The following TGFBR1 variants were observed in gnomAD, a reference collection of about 807,000 sequenced individuals.
TGFBR1 encodes TGF-beta receptor type-1.
TGFBR1 carries 20 observed loss-of-function variants against 55.1 expected under a neutral mutation model. The observed-to-expected ratio is 0.36, with a 90% CI of 0.26 to 0.53. TGFBR1 has a LOEUF of 0.53. Among genes scored for constraint, TGFBR1 ranks in the 20% least tolerant of loss-of-function variants. The probability of loss-of-function intolerance (pLI) is 0.91; values close to 1 mark genes in which losing one functional copy is unlikely to be tolerated. For synonymous variants in TGFBR1, 220 were observed against 214.8 expected (o/e 1.02, Z -0.21); for missense variants, 385 against 617.6 (o/e 0.62, Z 3.99).
intron 5 of TGFBR1, 52 bp downstream of exon 5, chr9:99,142,755 G>GT: frequency 6.3e-7 from 1 of 1,595,094 alleles, no homozygotes; most frequent in African/African-American, 1.3e-5. Flanking sequence ...CATGAATAAT[G>GT]TCTATGAAAA....
chr9:99,137,740 A>C, intron 3 of TGFBR1, 119 bp from the exon 4 acceptor site: 1 of 761,654 alleles, frequency 1.3e-6, no homozygotes, highest in Non-Finnish European at 2.3e-6. Context: ...CAGTGAGATA[A>C]ATTCCTAAAG....
At chr9:99,125,476 A>G (rs1172272321) in intron 1 of TGFBR1, among the ~76,000 whole-genome samples, 1 of 152,258 alleles carries the variant, frequency 6.6e-6, no homozygotes, top group Non-Finnish European at 1.5e-5. Flanking sequence ...CTACACATGT[A>G]GGACCCATAT....
In TGFBR1 at chr9:99,151,963, A is replaced by G. The variant is rs935449251; in HGVS notation, c.*2658A>G. On this transcript the variant is annotated 3_prime_UTR_variant, in exon 9 of 9. Transcript: ENST00000374994. The stretch of plus-strand genomic sequence containing the variant: ...ATCTTCTGGTAAATTGTGCGTCCAT[A>G]TTCATTTTGTCAGTAGCCAGGAGAA... 4 of 197,310 alleles carry G rather than the reference A, an allele frequency of 2.0e-5. No homozygotes were observed. The highest frequency in any genetic ancestry group is 9.2e-5 in the African/African-American group (4 of 43,376). 12.2% of individuals were successfully genotyped at this position (197,310 alleles called of 1,614,324 possible). A position where few individuals can be genotyped will look rare whatever the true frequency, so the allele number is the denominator to read the frequency against.
intron 1 of TGFBR1, among the ~76,000 whole-genome samples, chr9:99,115,401 T>C (rs183722100): frequency 2.0e-5 from 3 of 152,314 alleles, no homozygotes; most frequent in Admixed American, 2.0e-4. Flanking sequence ...ATTTCTACAT[T>C]ATAAGATTCT....
intron 1 of TGFBR1, among the ~76,000 whole-genome samples, chr9:99,123,531 A>G (rs1826954617): frequency 1.3e-5 from 2 of 152,146 alleles, no homozygotes; most frequent in African/African-American, 2.4e-5. Flanking sequence ...TGGTATAGCA[A>G]ATAGTTGCGT....
intron 3 of TGFBR1, among the ~76,000 whole-genome samples, chr9:99,137,642 T>C (rs528788166): frequency 1.1e-4 from 17 of 152,194 alleles, no homozygotes; most frequent in Non-Finnish European, 2.2e-4. Flanking sequence ...CTTGACCCTC[T>C]AGCAGGAGTT....
rs1340807744 is a variant in TGFBR1, at chr9:99,149,543, A to G, written c.*238A>G. The G allele has an allele frequency of 3.1e-5, 15 of 487,308 alleles. No homozygotes were observed. The highest frequency in any genetic ancestry group is 2.6e-4 in the South Asian group (11 of 41,594). 30.2% of individuals were successfully genotyped at this position (487,308 alleles called of 1,614,324 possible). On this transcript the variant is annotated 3_prime_UTR_variant, in exon 9 of 9. Coordinates refer to ENST00000374994, the MANE Select transcript of TGFBR1 (RefSeq NM_004612.4). ...TCCCAGGACAGAAAATGTGTAGTCT[A>G]CCTTTATTTTTTATTAACAAAACTT... is the stretch of plus-strand genomic sequence containing the variant.
At chr9:99,147,908 C>T in intron 8 of TGFBR1, 124 bp downstream of exon 8, 1 of 1,156,466 alleles carries the variant, frequency 8.6e-7, no homozygotes, top group South Asian at 1.3e-5. Flanking sequence ...GCAGTCAAAC[C>T]AATGTTTAAA....
intron 4 of TGFBR1, among the ~76,000 whole-genome samples, chr9:99,139,108 A>G (rs1373909851): frequency 6.7e-6 from 1 of 150,258 alleles, no homozygotes; most frequent in Non-Finnish European, 1.5e-5. Flanking sequence ...CACGATTCCT[A>G]TTTTTACTGC....
At chr9:99,126,485 T>C (rs886504237) in intron 1 of TGFBR1, among the ~76,000 whole-genome samples, 1 of 152,194 alleles carries the variant, frequency 6.6e-6, no homozygotes, top group African/African-American at 2.4e-5. Flanking sequence ...CTGATAAAAG[T>C]AATGCTTAGA....
chr9:99,127,872 T>C (rs1026653714), intron 1 of TGFBR1: 6 of 450,442 alleles, frequency 1.3e-5, no homozygotes, highest in Non-Finnish European at 2.2e-5. Flanking sequence ...ATTCAACAAG[T>C]ATTTTTTGAA....
intron 1 of TGFBR1, among the ~76,000 whole-genome samples, chr9:99,121,416 T>A (rs1826896115): frequency 6.6e-6 from 1 of 151,868 alleles, no homozygotes; most frequent in Non-Finnish European, 1.5e-5. Flanking sequence ...AAAAGGAGAA[T>A]CTATATAGTA....
In TGFBR1 at chr9:99,151,468, A is replaced by T. The variant is rs1211636615; in HGVS notation, c.*2163A>T. 1 of 225,456 alleles carries T rather than the reference A, an allele frequency of 4.4e-6. No individual in the cohort carries two copies. Among genetic ancestry groups the T allele is most frequent in the Non-Finnish European group, 8.7e-6 (1 of 115,010 alleles). 14.0% of individuals were successfully genotyped at this position (225,456 alleles called of 1,614,324 possible). ...AGATCTGCTTTATGAAATCCAGGGG[A>T]CCAATGCATTTTATCACTAAAACTA... On this transcript the variant is annotated 3_prime_UTR_variant, in exon 9 of 9. Coordinates refer to ENST00000374994, the MANE Select transcript of TGFBR1 (RefSeq NM_004612.4).
In TGFBR1 at chr9:99,149,564, A is replaced by T. The variant is rs1235546490; in HGVS notation, c.*259A>T. ...GTCTACCTTTATTTTTTATTAACAA[A>T]ACTTGTTTTTTAAAAAGATGATTGC... On this transcript the variant is annotated 3_prime_UTR_variant, in exon 9 of 9. Coordinates refer to ENST00000374994, the MANE Select transcript of TGFBR1 (RefSeq NM_004612.4). 1.1e-5 allele frequency: 5 copies of T among 447,846 alleles called. No homozygotes were observed. Among genetic ancestry groups the T allele is most frequent in the Non-Finnish European group, 1.6e-5 (4 of 245,596 alleles). The allele number at this position is 447,846 out of a possible 1,614,324, so 27.7% of individuals were successfully genotyped here. A position where few individuals can be genotyped will look rare whatever the true frequency, so the allele number is the denominator to read the frequency against.
At chr9:99,114,861 G>A (rs1826689748) in intron 1 of TGFBR1, among the ~76,000 whole-genome samples, 1 of 152,150 alleles carries the variant, frequency 6.6e-6, no homozygotes, top group African/African-American at 2.4e-5. Flanking sequence ...GTAAGATCCA[G>A]AGTGTCTTTG....
chr9:99,118,451 T>C (rs1344942876), intron 1 of TGFBR1, among the ~76,000 whole-genome samples: 2 of 152,200 alleles, frequency 1.3e-5, no homozygotes, highest in Non-Finnish European at 2.9e-5. Flanking sequence ...TTATGCCTTT[T>C]ATTTAATCTG....
rs535337242 is a variant in TGFBR1, at chr9:99,108,056, C to A, written c.97+2754C>A. ...AGGACAAGATTCATGCCATTTCTTT[C>A]TTTTGTGGCCTCAGAACTTAGCACT... On this transcript the variant is annotated intron_variant, in intron 1 of 8. Transcript: ENST00000374994. Among the ~76,000 whole-genome samples the A allele has an allele frequency of 3.3e-5, 5 of 152,328 alleles. No individual in the cohort carries two copies. In the East Asian group the frequency reaches 9.6e-4, roughly 29 times the overall value.
At chr9:99,142,416 C>A in intron 4 of TGFBR1, 120 bp from the exon 5 acceptor site, 2 of 1,057,382 alleles carry the variant, frequency 1.9e-6, no homozygotes, top group Non-Finnish European at 2.9e-6. Context: ...GAAATACAGA[C>A]TTAAGGTGGC....
At chr9:99,104,706 G>A (rs796493658), upstream of TGFBR1, among the ~76,000 whole-genome samples, 5 of 152,312 alleles carry the variant, frequency 3.3e-5, no homozygotes, top group African/African-American at 1.2e-4. Flanking sequence ...GGCAGTACCA[G>A]ATCTTCCGCG....
Sources: allele counts gnomAD v4.1 joint callset (sites outside exome capture counted in the v4.1 genomes callset), GRCh38; gene constraint gnomAD v4.1.1; transcripts MANE v1.5; gene names NCBI Gene and HGNC (gene_info 2026-07-23, HGNC 2026-07-21).